Variants in MTMR14 observed in about 807,000 individuals in gnomAD.
The protein encoded by MTMR14 is myotubularin related protein 14, also known as phosphatidylinositol-3,5-bisphosphate 3-phosphatase MTMR14.
Under a neutral mutation model 86.3 loss-of-function variants are expected in MTMR14, and 48 were observed. The observed-to-expected ratio is 0.56, with a 90% confidence interval of 0.44 to 0.71. MTMR14 has a LOEUF of 0.71. Among genes scored for constraint, MTMR14 ranks in the 30% least tolerant of loss-of-function variants. The probability of loss-of-function intolerance (pLI) is 0.00; values close to 1 mark genes in which losing one functional copy is unlikely to be tolerated. For missense variants in MTMR14, 780 were observed against 834.6 expected, an observed-to-expected ratio of 0.93 and a Z score of 0.81; for synonymous variants, 366 against 326.1, an observed-to-expected ratio of 1.12 and a Z score of -1.32.
chr3:9,697,584 T>G, intron 17 of MTMR14, 127 bp from the exon 18 acceptor site: 1 of 1,103,212 alleles, frequency 9.1e-7, no homozygotes, highest in Non-Finnish European at 1.3e-6. Context: ...TTTTTAGACT[T>G]TTGGAGACAG....
intron 7 of MTMR14, chr3:9,675,586 T>G (rs181999472): frequency 2.2e-6 from 1 of 457,346 alleles, no homozygotes; most frequent in African/African-American, 2.0e-5. Flanking sequence ...CAAATCTAAT[T>G]TGTTTCCTCC....
At chr3:9,658,432 G>A (rs1475027611) in intron 2 of MTMR14, among the ~76,000 whole-genome samples, 1 of 152,206 alleles carries the variant, frequency 6.6e-6, no homozygotes, top group Non-Finnish European at 1.5e-5. Flanking sequence ...CTGTGTAGTA[G>A]ACCTCAGGGA....
At chr3:9,685,441 G>A (rs1243986365) in intron 13 of MTMR14, among the ~76,000 whole-genome samples, 194 bp downstream of exon 13, 1 of 152,124 alleles carries the variant, frequency 6.6e-6, no homozygotes, top group Admixed American at 6.5e-5. Flanking sequence ...TGGGCCTCGC[G>A]GGCCTGTGCT....
intron 1 of MTMR14, among the ~76,000 whole-genome samples, chr3:9,650,828 C>T (rs2047239305): frequency 6.6e-6 from 1 of 151,092 alleles, no homozygotes; most frequent in Non-Finnish European, 1.5e-5. Flanking sequence ...CGCTTTGTCG[C>T]CTAGGCTGGA....
rs371363549 is a variant in MTMR14 at position 9,689,074 on chromosome 3, G to C, written c.1425G>C (p.Gln475His). The C allele has an allele frequency of 1.2e-6, 2 of 1,611,402 alleles. No individual in the cohort carries two copies. Among genetic ancestry groups the C allele is most frequent in the Non-Finnish European group, 1.7e-6 (2 of 1,180,024 alleles). ...VELVPAGAPT[Q>H]AAWRKSHSSS... The stretch of plus-strand genomic sequence containing the variant: ...TGGTCCCAGCAGGAGCGCCAACTCA[G>C]GCAGCTTGGTAAGGGGCCAGACTTG... Residue 475 changes from glutamine (Q) to histidine (H), a missense_variant, in exon 16 of 19, where the codon CAG becomes CAC. Physicochemically the swap from Gln to His is conservative, Grantham distance 24. Coordinates refer to ENST00000296003, the MANE Select transcript of MTMR14 (RefSeq NM_001077525.3).
intron 13 of MTMR14, 46 bp from the exon 14 acceptor site, chr3:9,687,775 C>T (rs750559010): frequency 2.0e-6 from 3 of 1,524,562 alleles, no homozygotes; most frequent in South Asian, 1.2e-5. Context: ...GGGAGTTCTG[C>T]TGCCTTGGTT....
chr3:9,668,616 C>A (rs1156291558), intron 3 of MTMR14, 103 bp from the exon 4 acceptor site: 4 of 1,210,506 alleles, frequency 3.3e-6, no homozygotes, highest in Non-Finnish European at 4.9e-6. Flanking sequence ...TGCTCCTGGG[C>A]CCGTTATGCT....
intron 17 of MTMR14, among the ~76,000 whole-genome samples, chr3:9,691,258 C>G (rs912280179): frequency 6.6e-6 from 1 of 152,236 alleles, no homozygotes; most frequent in Non-Finnish European, 1.5e-5. Flanking sequence ...ACCACCGCCA[C>G]ACGCCGTCTG....
intron 15 of MTMR14, 45 bp from the exon 16 acceptor site, chr3:9,688,899 G>C: frequency 1.2e-6 from 2 of 1,613,488 alleles, no homozygotes; most frequent in South Asian, 1.1e-5. Context: ...GGGACCAGTA[G>C]TGGGAGAAGG....
rs1196041399 is a variant in MTMR14 at position 9,663,643 on chromosome 3, A to G, written c.417+1268A>G. 2.7e-5 allele frequency among the ~76,000 whole-genome samples: 4 copies of G among 149,668 alleles called. No individual in the cohort carries two copies. In the East Asian group the frequency reaches 8.0e-4, roughly 30 times the overall value. ...ATTCTCCTGCCTTAGCCTCCCGAGTAGCTGGGACTACAGGCACCCGCCACC... is the reference window on the plus strand; with the variant it reads ...ATTCTCCTGCCTTAGCCTCCCGAGTGGCTGGGACTACAGGCACCCGCCACC... On this transcript the variant is annotated intron_variant, in intron 3 of 18. Coordinates refer to ENST00000296003, the MANE Select transcript of MTMR14 (RefSeq NM_001077525.3).
chr3:9,674,666 A>G (rs1323473891), intron 7 of MTMR14, among the ~76,000 whole-genome samples: 1 of 152,182 alleles, frequency 6.6e-6, no homozygotes, highest in African/African-American at 2.4e-5. Flanking sequence ...TGACATGGAA[A>G]ACGTCACAGA....
intron 5 of MTMR14, 41 bp from the exon 6 acceptor site, chr3:9,671,007 G>T: frequency 6.2e-7 from 1 of 1,613,548 alleles, no homozygotes; most frequent in South Asian, 1.1e-5. Flanking sequence ...TCCTGTGAGT[G>T]AACATGCCAT....
At chr3:9,687,109 A>T (rs569314493) in intron 13 of MTMR14, among the ~76,000 whole-genome samples, 1 of 152,136 alleles carries the variant, frequency 6.6e-6, no homozygotes, top group African/African-American at 2.4e-5. Context: ...TTTGTCCATT[A>T]TTCTCCCTGC....
chr3:9,685,548 C>T (rs769441426), intron 13 of MTMR14, among the ~76,000 whole-genome samples: 4 of 152,182 alleles, frequency 2.6e-5, no homozygotes, highest in Non-Finnish European at 4.4e-5. Context: ...GTTCTCTCTG[C>T]TCAGCTCTGG....
In MTMR14 at chr3:9,678,065, G is replaced by T. The variant is rs564586644; in HGVS notation, c.897+7G>T. 6.8e-6 allele frequency: 11 copies of T among 1,613,814 alleles called. No homozygotes were observed. In the East Asian group the frequency reaches 2.2e-4, roughly 33 times the overall value. The stretch of plus-strand genomic sequence containing the variant: ...TGACTGGAGCCAGTATCAGGTGAGG[G>T]GCCTGACTCAAGCATTGAGGGCAGG... On this transcript the variant is annotated splice_region_variant and intron_variant, in intron 9 of 18. Transcript: ENST00000296003.
chr3:9,680,791 C>T (rs186778600), intron 9 of MTMR14, among the ~76,000 whole-genome samples: 13 of 152,346 alleles, frequency 8.5e-5, no homozygotes, highest in African/African-American at 2.4e-4. Context: ...GAGCTGAGAT[C>T]GCGCCACTAC....
At position 9,690,058 on chromosome 3, in the gene MTMR14, G is replaced by A; in HGVS notation, c.1528G>A (p.Ala510Thr). 2 of 1,613,236 alleles carry A rather than the reference G, an allele frequency of 1.2e-6. No homozygotes were observed. The highest frequency in any genetic ancestry group is 4.5e-5 in the East Asian group (2 of 44,880). The change falls in exon 17 of 19, where the codon GCC becomes ACC. Residue 510 changes from alanine (A) to threonine (T), a missense_variant. Physicochemically the swap from Ala to Thr is moderately conservative, Grantham distance 58. Transcript: ENST00000296003. ...RLPSQQGLAE[A>T]RSSSSSSSNH... ...GCCTTCCCAGCAGGGGCTGGCGGAAGCCAGGTCTTCCAGCTCCTCTTCCTC... is the reference window on the plus strand; with the variant it reads ...GCCTTCCCAGCAGGGGCTGGCGGAAACCAGGTCTTCCAGCTCCTCTTCCTC...
intron 2 of MTMR14, among the ~76,000 whole-genome samples, chr3:9,661,338 T>A (rs570896259): frequency 6.6e-6 from 1 of 152,312 alleles, no homozygotes; most frequent in East Asian, 1.9e-4. Context: ...TTAGATTCTC[T>A]GCAACCCCAG....
chr3:9,675,255 T>C (rs1351739308), intron 7 of MTMR14, among the ~76,000 whole-genome samples: 2 of 152,228 alleles, frequency 1.3e-5, no homozygotes, highest in African/African-American at 4.8e-5. Context: ...TGAGACACCA[T>C]TGCACACCCA....
Sources: allele counts gnomAD v4.1 joint callset (sites outside exome capture counted in the v4.1 genomes callset), GRCh38; gene constraint gnomAD v4.1.1; transcripts MANE v1.5; gene names NCBI Gene and HGNC (gene_info 2026-07-23, HGNC 2026-07-21).